Variants in TRDN observed in about 807,000 individuals in gnomAD.
TRDN encodes the protein triadin in skeletal muscle.
In TRDN, 161 loss-of-function variants were observed where a neutral mutation model predicts 149.7. That is an observed-to-expected ratio of 1.08 (90% CI 0.95 to 1.23). The LOEUF is 1.23. TRDN is among the 50% of genes most tolerant of loss of function. The probability of loss-of-function intolerance (pLI) is 0.00; values close to 1 mark genes in which losing one functional copy is unlikely to be tolerated. For synonymous variants in TRDN, 294 were observed against 250.5 expected (o/e 1.17, Z -1.64); for missense variants, 896 against 823.5 (o/e 1.09, Z -1.08).
At chr6:123,256,676 T>G (rs540698761) in intron 35 of TRDN, among the ~76,000 whole-genome samples, 2 of 152,154 alleles carry the variant, frequency 1.3e-5, no homozygotes, top group South Asian at 4.1e-4. Context: ...GTTTTTTTTT[T>G]CTTGTAAGTT....
intron 22 of TRDN, among the ~76,000 whole-genome samples, chr6:123,333,796 G>A (rs1254426375): frequency 6.6e-6 from 1 of 152,042 alleles, no homozygotes; most frequent in Non-Finnish European, 1.5e-5. Context: ...TATCTTGTTT[G>A]TCAAAAGCAG....
At chr6:123,632,737 G>T (rs1387153776) in intron 1 of TRDN, among the ~76,000 whole-genome samples, 1 of 151,940 alleles carries the variant, frequency 6.6e-6, no homozygotes, top group East Asian at 1.9e-4. Context: ...GCTGCCCTTT[G>T]CTTTGATGAG....
At chr6:123,560,415 G>T (rs992444081) in intron 2 of TRDN, among the ~76,000 whole-genome samples, 2 of 151,938 alleles carry the variant, frequency 1.3e-5, no homozygotes, top group African/African-American at 4.8e-5. Context: ...CTATGCAAGG[G>T]TCCTCCATCA....
intron 4 of TRDN, among the ~76,000 whole-genome samples, 168 bp downstream of exon 4, chr6:123,547,172 C>T (rs1321151282): frequency 6.6e-6 from 1 of 151,958 alleles, no homozygotes; most frequent in Non-Finnish European, 1.5e-5. Context: ...GTAGTGAGAT[C>T]ACCTTCATTG....
At chr6:123,459,779 C>T (rs1445510927) in intron 10 of TRDN, among the ~76,000 whole-genome samples, 1 of 152,170 alleles carries the variant, frequency 6.6e-6, no homozygotes, top group African/African-American at 2.4e-5. Flanking sequence ...ATACTCAGCT[C>T]TAACACTTAA....
rs1002565786 is a variant in TRDN at position 123,464,501 on chromosome 6, T to C, written c.931+405A>G. On this transcript the variant is annotated intron_variant, in intron 10 of 40. Transcript: ENST00000334268. ...CATGAAGAGTTAATTTAAATAACTT[T>C]CCAAATTTACAAAGCTAGGAAAAGG... 5.0e-6 allele frequency: 5 copies of C among 997,712 alleles called. No individual in the cohort carries two copies. In the Admixed American group the frequency reaches 2.1e-4, roughly 43 times the overall value. 61.8% of individuals were successfully genotyped at this position (997,712 alleles called of 1,614,324 possible).
chr6:123,556,908 G>A (rs559558443), intron 2 of TRDN, among the ~76,000 whole-genome samples: 5 of 152,046 alleles, frequency 3.3e-5, no homozygotes, highest in South Asian at 4.2e-4. Flanking sequence ...ACATCCAGAT[G>A]GCCAGTTCCC....
At chr6:123,621,373 CA>C (rs1785374802) in intron 1 of TRDN, among the ~76,000 whole-genome samples, 1 of 152,068 alleles carries the variant, frequency 6.6e-6, no homozygotes, top group Admixed American at 6.6e-5. Context: ...TTAAACAATC[CA>C]GTTTGAGTGA....
At position 123,464,976 on chromosome 6, in the gene TRDN, G is replaced by A. The variant is rs769586528; in HGVS notation, c.861C>T (p.Ser287=). Residue 287 remains serine (S), a synonymous_variant, in exon 10 of 41, where the codon AGC becomes AGT. Coordinates refer to ENST00000334268, the MANE Select transcript of TRDN (RefSeq NM_006073.4). Reference sequence around the variant, plus strand: ...TCGGTAAGGGAGGTGGAATGGCTGGGCTTTGTCCTACACAATGTAGAAGTA... The same window carrying A: ...TCGGTAAGGGAGGTGGAATGGCTGGACTTTGTCCTACACAATGTAGAAGTA... The part of the protein sequence containing the change: ...FVHGDLKPGQ[S]PAIPPPLPTE... The A allele has an allele frequency of 1.3e-6, 2 of 1,593,068 alleles. No individual in the cohort carries two copies. The highest frequency in any genetic ancestry group is 1.7e-6 in the Non-Finnish European group (2 of 1,169,268).
intron 19 of TRDN, among the ~76,000 whole-genome samples, chr6:123,371,027 T>A (rs1230548401): frequency 2.0e-5 from 3 of 151,876 alleles, no homozygotes; most frequent in Non-Finnish European, 4.4e-5. Context: ...TATCTTTCTT[T>A]ATTGCATTTA....
chr6:123,307,286 T>TA (rs1296808526), intron 24 of TRDN, among the ~76,000 whole-genome samples: 1 of 152,004 alleles, frequency 6.6e-6, no homozygotes, highest in South Asian at 2.1e-4. Flanking sequence ...TCCTCTTAAT[T>TA]AAAAAAATTT....
At chr6:123,320,252 C>A (rs1214193583) in intron 23 of TRDN, among the ~76,000 whole-genome samples, 1 of 151,328 alleles carries the variant, frequency 6.6e-6, no homozygotes, top group Non-Finnish European at 1.5e-5. Flanking sequence ...TTTGTATTTG[C>A]CACATGGTAG....
At chr6:123,416,638 G>A (rs1443947205) in intron 12 of TRDN, among the ~76,000 whole-genome samples, 1 of 151,652 alleles carries the variant, frequency 6.6e-6, no homozygotes, top group East Asian at 1.9e-4. Context: ...CTCCTTCACT[G>A]GACTATGAAG....
chr6:123,528,956 T>G (rs909035160), intron 5 of TRDN: 1 of 1,214,168 alleles, frequency 8.2e-7, no homozygotes, highest in Admixed American at 3.7e-5. Context: ...CAGCTCAGTC[T>G]TTGAGAAATT....
chr6:123,557,976 T>A (rs12174485), intron 2 of TRDN, among the ~76,000 whole-genome samples: 1 of 151,846 alleles, frequency 6.6e-6, no homozygotes, highest in African/African-American at 2.4e-5. Flanking sequence ...TTTTCTTCTG[T>A]ACTGCCACTT....
At chr6:123,279,217 T>C (rs1777493496) in intron 24 of TRDN, 135 bp from the exon 25 acceptor site, 1 of 695,140 alleles carries the variant, frequency 1.4e-6, no homozygotes, top group Admixed American at 3.4e-5. Context: ...TTTGTTGAAA[T>C]TCTATAGAAT....
chr6:123,218,636 C>A lies in TRDN; in HGVS notation c.2155G>T (p.Ala719Ser). Reference protein sequence around the residue: ...ADRPGESSGQANSPGQKQQGQ With the variant: ...ADRPGESSGQSNSPGQKQQGQ ...TGTTGCTTCTGTCCTGGAGAATTTG[C>A]TTGACCAGAGCTCTCTCCAGGGCGG... Residue 719 changes from alanine (A) to serine (S), a missense_variant, in exon 41 of 41, where the codon GCA becomes TCA. By Grantham distance (99) the Ala-to-Ser change is moderately conservative (BLOSUM62 1). Coordinates refer to ENST00000334268, the MANE Select transcript of TRDN (RefSeq NM_006073.4). 1.2e-6 allele frequency: 2 copies of A among 1,611,592 alleles called. No individual in the cohort carries two copies. Among genetic ancestry groups the A allele is most frequent in the Non-Finnish European group, 1.7e-6 (2 of 1,178,562 alleles).
intron 38 of TRDN, among the ~76,000 whole-genome samples, chr6:123,241,647 A>G (rs1775994444): frequency 6.6e-6 from 1 of 151,972 alleles, no homozygotes; most frequent in African/African-American, 2.4e-5. Flanking sequence ...AAAAACATGG[A>G]AATCCTAACT....
intron 2 of TRDN, among the ~76,000 whole-genome samples, chr6:123,552,852 C>T (rs1781463880): frequency 6.6e-6 from 1 of 152,064 alleles, no homozygotes; most frequent in East Asian, 1.9e-4. Flanking sequence ...TTATCAATGC[C>T]TTGCTTTCCC....
Sources: gnomAD v4.1 joint callset for allele counts (sites outside exome capture counted in the v4.1 genomes callset) on GRCh38, gnomAD v4.1.1 for gene constraint, MANE v1.5 for transcripts, NCBI Gene and HGNC (gene_info 2026-07-23, HGNC 2026-07-21) for gene names.